HAS3: variants seen among roughly 807,000 people sequenced by gnomAD.
The protein encoded by HAS3 is hyaluronan synthase 3, also known as HA synthase 3.
HAS3 carries 27 observed loss-of-function variants against 50.3 expected under a neutral mutation model. That is an observed-to-expected ratio of 0.54 (90% CI 0.40 to 0.74). The LOEUF (loss-of-function observed/expected upper bound fraction) is 0.74, where lower values mean the gene tolerates loss of function less well. Among genes scored for constraint, HAS3 ranks in the 30% least tolerant of loss-of-function variants. The pLI is 0.00. For missense variants in HAS3, 517 were observed against 742.8 expected, an observed-to-expected ratio of 0.70 and a Z score of 3.53; for synonymous variants, 339 against 310.9, an observed-to-expected ratio of 1.09 and a Z score of -0.95.
Position 69,109,457 on chromosome 16 carries a change from T to TGCTGGGTGGCATCCTGGCAGC in HAS3, c.63_83dup (p.Leu22_Ala28dup). On this transcript the variant is annotated inframe_insertion, in exon 2 of 4. Transcript: ENST00000569188. This position sits in a 1 kb window ranked among gnomAD's most constrained non-coding sequence, Gnocchi z 5.3. ...GGCACCAGCCTGTTTGCCCTGGCAG[T>TGCTGGGTGGCATCCTGGCAGC]GCTGGGTGGCATCCTGGCAGCCTAT... The TGCTGGGTGGCATCCTGGCAGC allele has an allele frequency of 6.2e-7, 1 of 1,613,552 alleles. No individual in the cohort carries two copies. Among genetic ancestry groups the TGCTGGGTGGCATCCTGGCAGC allele is most frequent in the Non-Finnish European group, 8.5e-7 (1 of 1,180,010 alleles).
chr16:69,117,408 T>A lies in HAS3; in HGVS notation c.*2142T>A. Reference sequence around the variant, plus strand: ...CGACTGGTTTTTCTAAGTTATTTTGTACATTTTTCAGCAGCAAAACCAAAC... The same window carrying A: ...CGACTGGTTTTTCTAAGTTATTTTGAACATTTTTCAGCAGCAAAACCAAAC... On this transcript the variant is annotated 3_prime_UTR_variant, in exon 4 of 4. Transcript: ENST00000569188. 1 of 985,824 alleles carries A rather than the reference T, an allele frequency of 1.0e-6. No individual in the cohort carries two copies. Among genetic ancestry groups the A allele is most frequent in the Non-Finnish European group, 1.2e-6 (1 of 829,902 alleles). 61.1% of individuals were successfully genotyped at this position (985,824 alleles called of 1,614,324 possible).
chr16:69,091,902 C>A, the HAS3 span, among the ~76,000 whole-genome samples: 2 of 152,108 alleles, frequency 1.3e-5, no homozygotes, highest in African/African-American at 4.8e-5. Flanking sequence ...TTTCCCAAAC[C>A]AGATTCAGGA....
Position 69,115,237 on chromosome 16 carries a change from C to A in HAS3, c.1633C>A (p.Gln545Lys). 2.6e-6 allele frequency: 4 copies of A among 1,536,166 alleles called. No individual in the cohort carries two copies. Among genetic ancestry groups the A allele is most frequent in the Non-Finnish European group, 3.5e-6 (4 of 1,142,856 alleles). Residue 545 changes from glutamine (Q) to lysine (K), a missense_variant, in exon 4 of 4, where the codon CAG becomes AAG. Coordinates refer to ENST00000569188, the MANE Select transcript of HAS3 (RefSeq NM_001199280.2). ...CCGGCGATGTGGGAAGAAGCCGGAG[C>A]AGTACAGCTTGGCTTTTGCTGAGGT... ...IARRCGKKPE[Q>K]YSLAFAEV
the HAS3 span, among the ~76,000 whole-genome samples, chr16:69,088,376 A>C: frequency 6.6e-6 from 1 of 151,980 alleles, no homozygotes; most frequent in East Asian, 1.9e-4. Flanking sequence ...CCTGGCCAAC[A>C]TGGCGAAACC....
At chr16:69,089,437 G>A in the HAS3 span, among the ~76,000 whole-genome samples, 5 of 152,070 alleles carry the variant, frequency 3.3e-5, no homozygotes, top group Admixed American at 1.3e-4. Flanking sequence ...TCCCCAATAC[G>A]CCCCTTCCCC....
downstream of HAS3, chr16:69,118,679 A>AT: frequency 1.5e-5 from 10 of 675,666 alleles, no homozygotes; most frequent in South Asian, 1.3e-4. Flanking sequence ...CATGCCACAA[A>AT]TAACATCTCA....
chr16:69,087,246 C>T, the HAS3 span, among the ~76,000 whole-genome samples: 1 of 152,244 alleles, frequency 6.6e-6, no homozygotes, highest in African/African-American at 2.4e-5. Context: ...CCATCCACCA[C>T]CCCCTTGCTC....
chr16:69,086,013 G>T, the HAS3 span, among the ~76,000 whole-genome samples: 1 of 151,322 alleles, frequency 6.6e-6, no homozygotes, highest in Non-Finnish European at 1.5e-5. Context: ...GATCACAGGT[G>T]TGCACCACCA....
chr16:69,090,638 G>C, the HAS3 span, among the ~76,000 whole-genome samples: 1 of 152,128 alleles, frequency 6.6e-6, no homozygotes, highest in Non-Finnish European at 1.5e-5. Context: ...TGCAATCTCG[G>C]TTCACAGCAA....
the HAS3 span, among the ~76,000 whole-genome samples, chr16:69,095,967 G>A: frequency 2.8e-4 from 43 of 151,976 alleles, no homozygotes; most frequent in Admixed American, 8.5e-4. Flanking sequence ...TGTAATCCCA[G>A]CACTTTGGAG....
chr16:69,092,083 G>A, the HAS3 span, among the ~76,000 whole-genome samples: 1 of 152,110 alleles, frequency 6.6e-6, no homozygotes, highest in Non-Finnish European at 1.5e-5. Context: ...CTCACACTGG[G>A]CCTGTGAGAT....
chr16:69,102,756 C>T (rs369619933), upstream of HAS3, among the ~76,000 whole-genome samples: 3 of 152,122 alleles, frequency 2.0e-5, no homozygotes, highest in African/African-American at 7.2e-5. Flanking sequence ...GAGCTGGCGG[C>T]GTGAGAAGGG....
At chr16:69,104,992 GTTTTTTTTTTTTTTTTT>G (rs565397720), upstream of HAS3, among the ~76,000 whole-genome samples, 18 of 81,978 alleles carry the variant, frequency 2.2e-4, no homozygotes, top group South Asian at 5.4e-4. Context: ...CTGTTTTTTG[GTTTTTTTTTTTTTTTTT>G]TTTTTTTTTT....
Position 69,117,450 on chromosome 16 carries a change from TC to T in HAS3, c.*2188del, listed in dbSNP as rs1395509599. 4.1e-6 allele frequency: 4 copies of T among 985,848 alleles called. No individual in the cohort carries two copies. In the East Asian group the frequency reaches 4.5e-4, roughly 112 times the overall value. The allele number at this position is 985,848 out of a possible 1,614,324, so 61.1% of individuals were successfully genotyped here. A position where few individuals can be genotyped will look rare whatever the true frequency, so the allele number is the denominator to read the frequency against. ...AAACCAAACTGGGTCTTCAGCTTTA[TC>T]CCCGTTTCTTGCAAGGGAAGAGCCT... On this transcript the variant is annotated 3_prime_UTR_variant, in exon 4 of 4. Coordinates refer to ENST00000569188, the MANE Select transcript of HAS3 (RefSeq NM_001199280.2).
the HAS3 span, among the ~76,000 whole-genome samples, chr16:69,093,523 CTTTTTTTTTTTTTT>C: frequency 1.1e-5 from 1 of 87,436 alleles, no homozygotes; most frequent in Non-Finnish European, 2.1e-5. Context: ...TACAGTGTAT[CTTTTTTTTTTTTTT>C]TTTTTTTTTT....
Position 69,107,339 on chromosome 16 carries a change from G to A in HAS3, c.-1+1552G>A. The A allele has an allele frequency of 3.0e-6, 3 of 983,804 alleles. No individual in the cohort carries two copies. The highest frequency in any genetic ancestry group is 3.6e-6 in the Non-Finnish European group (3 of 828,456). 60.9% of individuals were successfully genotyped at this position (983,804 alleles called of 1,614,324 possible). A position where few individuals can be genotyped will look rare whatever the true frequency, so the allele number is the denominator to read the frequency against. On this transcript the variant is annotated intron_variant, in intron 1 of 3. Transcript: ENST00000569188. This position sits in a 1 kb window ranked among gnomAD's most constrained non-coding sequence, Gnocchi z 5.5. The stretch of plus-strand genomic sequence containing the variant: ...GTCCCGCCCAGGGAAGGAGAGGGCC[G>A]GCTACACCGGGGATGCGCCTTTGTC...
At position 69,109,509 on chromosome 16, in the gene HAS3, G is replaced by A. The variant is rs371547007; in HGVS notation, c.114G>A (p.Thr38=). The change falls in exon 2 of 4, where the codon ACG becomes ACA. Residue 38 remains threonine, a synonymous_variant. Coordinates refer to ENST00000569188, the MANE Select transcript of HAS3 (RefSeq NM_001199280.2). This position sits in a 1 kb window ranked among gnomAD's most constrained non-coding sequence, Gnocchi z 5.3. ...AYVTGYQFIH[T]EKHYLSFGLY... ...TGACGGGCTACCAGTTCATCCACAC[G>A]GAAAAGCACTACCTGTCCTTCGGCC... The A allele has an allele frequency of 2.4e-5, 39 of 1,613,926 alleles. No homozygotes were observed. In the Admixed American group the frequency reaches 2.8e-4, roughly 12 times the overall value.
At chr16:69,104,992 G>GGTTTTTTTTTTTTTTTTTTTTTTTT (rs1567576954), upstream of HAS3, among the ~76,000 whole-genome samples, 1 of 81,958 alleles carries the variant, frequency 1.2e-5, no homozygotes, top group Non-Finnish European at 2.3e-5. Context: ...CTGTTTTTTG[G>GGTTTTTTTTTTTTTTTTTTTTTTTT]TTTTTTTTTT....
At chr16:69,110,469 A>G (rs190576514) in intron 2 of HAS3, among the ~76,000 whole-genome samples, 61 of 152,162 alleles carry the variant, frequency 4.0e-4, no homozygotes, top group Non-Finnish European at 6.8e-4. Context: ...TGCAACGGCT[A>G]TTTAAAGGCA....
Sources: gnomAD v4.1 joint callset for allele counts (sites outside exome capture counted in the v4.1 genomes callset) on GRCh38, gnomAD v4.1.1 for gene constraint, Gnocchi (gnomAD v3.1) non-coding constraint, MANE v1.5 for transcripts, NCBI Gene and HGNC (gene_info 2026-07-23, HGNC 2026-07-21) for gene names.